UBE2O: variants seen among roughly 807,000 people sequenced by gnomAD.
UBE2O encodes the protein (E3-independent) E2 ubiquitin-conjugating enzyme.
In UBE2O, 15 loss-of-function variants were observed where a neutral mutation model predicts 125.8. The observed-to-expected ratio is 0.12, with a 90% CI of 0.08 to 0.18. The LOEUF is 0.18. UBE2O is among the 10% of genes least tolerant of loss of function. The pLI, the probability that UBE2O is intolerant of heterozygous loss-of-function variation, is 1.00. For missense variants in UBE2O, 1,280 were observed against 1,723.6 expected (o/e 0.74, Z 4.56); for synonymous variants, 708 against 703.2 (o/e 1.01, Z -0.11).
rs2072390275 is a variant in UBE2O at position 76,404,937 on chromosome 17, T to G, written c.588+269A>C. On this transcript the variant is annotated intron_variant, in intron 3 of 17. Transcript: ENST00000319380. This position sits in a 1 kb window ranked among gnomAD's most constrained non-coding sequence, Gnocchi z 4.3. Reference sequence around the variant, plus strand: ...AATAATTTATTTTTTTAAAGAAATGTTAGAGGAGAAAGGAAAAACACTTAA... The same window carrying G: ...AATAATTTATTTTTTTAAAGAAATGGTAGAGGAGAAAGGAAAAACACTTAA... 6.6e-6 allele frequency among the ~76,000 whole-genome samples: 1 copy of G among 151,472 alleles called. No individual in the cohort carries two copies. Among genetic ancestry groups the G allele is most frequent in the South Asian group, 2.1e-4 (1 of 4,756 alleles).
At chr17:76,413,577 G>A (rs1386239245) in intron 1 of UBE2O, among the ~76,000 whole-genome samples, 2 of 152,112 alleles carry the variant, frequency 1.3e-5, no homozygotes, top group Admixed American at 6.6e-5. Flanking sequence ...TATGTGTCCC[G>A]GGTCATGATA....
chr17:76,401,959 T>G (rs1159891417), intron 5 of UBE2O, 105 bp downstream of exon 5: 2 of 1,214,552 alleles, frequency 1.6e-6, no homozygotes, highest in Non-Finnish European at 2.3e-6. Context: ...GCCCCTTTTC[T>G]AGGAAACCGC....
chr17:76,445,165 C>CT (rs1215752354), intron 1 of UBE2O, among the ~76,000 whole-genome samples: 1 of 152,096 alleles, frequency 6.6e-6, no homozygotes, highest in Non-Finnish European at 1.5e-5. Context: ...CAGGAAATCT[C>CT]TCTGTCAGTG....
In UBE2O at chr17:76,398,138, T is replaced by G; in HGVS notation, c.2025+117A>C. 1 of 1,426,160 alleles carries G rather than the reference T, an allele frequency of 7.0e-7. No homozygotes were observed. The highest frequency in any genetic ancestry group is 9.7e-7 in the Non-Finnish European group (1 of 1,030,878). The allele number at this position is 1,426,160 out of a possible 1,614,324, so 88.3% of individuals were successfully genotyped here. ...GGGGCAGCTGCCCTTCTGAGGACAC[T>G]GAGCCCAGAGGACTTTCAGGTCTTG... On this transcript the variant is annotated intron_variant, in intron 12 of 17. Transcript: ENST00000319380. The surrounding 1 kb of genome is among the most constrained non-coding windows in gnomAD (Gnocchi z 5.4).
intron 1 of UBE2O, among the ~76,000 whole-genome samples, chr17:76,424,201 C>A (rs1202809716): frequency 7.2e-6 from 1 of 138,192 alleles, no homozygotes; most frequent in African/African-American, 2.6e-5. Context: ...AGCCACCGCG[C>A]CCGGCCTTTT....
intron 1 of UBE2O, among the ~76,000 whole-genome samples, chr17:76,449,907 CA>C (rs2073209261): frequency 6.6e-6 from 1 of 151,972 alleles, no homozygotes; most frequent in African/African-American, 2.4e-5. Flanking sequence ...GCAACAAGAG[CA>C]AAACTCCGTC....
chr17:76,408,887 CG>C (rs766416215), intron 1 of UBE2O, among the ~76,000 whole-genome samples: 14 of 151,980 alleles, frequency 9.2e-5, no homozygotes, highest in Non-Finnish European at 1.8e-4. Context: ...GATCTGGGGT[CG>C]GGGGTGAAGA....
In UBE2O at chr17:76,400,415, G is replaced by T; in HGVS notation, c.1004+26C>A. ...AGCCCTGTCCCACGCGTGCCCCTGG[G>T]TTGCTGGCAGTAAGGGCATGCTTAC... On this transcript the variant is annotated intron_variant, in intron 7 of 17. Transcript: ENST00000319380. This position sits in a 1 kb window ranked among gnomAD's most constrained non-coding sequence, Gnocchi z 4.3. 6.2e-7 allele frequency: 1 copy of T among 1,602,856 alleles called. No homozygotes were observed. The highest frequency in any genetic ancestry group is 8.5e-7 in the Non-Finnish European group (1 of 1,173,082).
chr17:76,428,060 T>C (rs926182229), intron 1 of UBE2O, among the ~76,000 whole-genome samples: 1 of 152,212 alleles, frequency 6.6e-6, no homozygotes, highest in Non-Finnish European at 1.5e-5. Context: ...ATAGCTTATA[T>C]AGCATTTTAA....
intron 1 of UBE2O, among the ~76,000 whole-genome samples, chr17:76,412,932 C>T (rs201273063): frequency 2.0e-5 from 3 of 152,074 alleles, no homozygotes; most frequent in African/African-American, 4.8e-5. Flanking sequence ...CGTTTGAACC[C>T]GGGAGGCGGA....
At chr17:76,446,069 T>G (rs2073145419) in intron 1 of UBE2O, among the ~76,000 whole-genome samples, 1 of 152,256 alleles carries the variant, frequency 6.6e-6, no homozygotes, top group African/African-American at 2.4e-5. Flanking sequence ...TAGACGTTCC[T>G]GATTGTAACT....
At position 76,397,840 on chromosome 17, in the gene UBE2O, C is replaced by T. The variant is rs374950260; in HGVS notation, c.2074G>A (p.Val692Met). Residue 692 changes from valine to methionine, a missense_variant, in exon 13 of 18, where the codon GTG (valine) becomes ATG (methionine). Val to Met is a conservative substitution (Grantham distance 21, BLOSUM62 1). Around this residue, in one of 10 missense-constraint regions of UBE2O, gnomAD observed 210 missense variants for 268.9 expected, o/e 0.78. Coordinates refer to ENST00000319380, the MANE Select transcript of UBE2O (RefSeq NM_022066.4). ...GTCTTTGAGTTGTCAGCCCACACCACCTCCACCTTGCTGCTGACGTCCACA... is the reference window on the plus strand; with the variant it reads ...GTCTTTGAGTTGTCAGCCCACACCATCTCCACCTTGCTGCTGACGTCCACA... ...ARVDVSSKVE[V>M]VWADNSKTII... The T allele has an allele frequency of 1.9e-6, 3 of 1,614,096 alleles. No individual in the cohort carries two copies. The highest frequency in any genetic ancestry group is 2.5e-6 in the Non-Finnish European group (3 of 1,180,060).
In UBE2O at chr17:76,450,273, C is replaced by T. The variant is rs535009898; in HGVS notation, c.417+2452G>A. ...CCACAGTTCTGCAAGGTCCCAGGACCCACCCTACCACCCTGCTTGGTGGTC... is the reference window on the plus strand; with the variant it reads ...CCACAGTTCTGCAAGGTCCCAGGACTCACCCTACCACCCTGCTTGGTGGTC... On this transcript the variant is annotated intron_variant, in intron 1 of 17. Coordinates refer to ENST00000319380, the MANE Select transcript of UBE2O (RefSeq NM_022066.4). 2.6e-5 allele frequency among the ~76,000 whole-genome samples: 4 copies of T among 152,106 alleles called. No individual in the cohort carries two copies. The East Asian group carries it at 5.8e-4, about 22-fold the overall frequency.
chr17:76,419,895 G>A (rs763675176), intron 1 of UBE2O, among the ~76,000 whole-genome samples: 41 of 152,220 alleles, frequency 2.7e-4, no homozygotes, highest in Admixed American at 9.2e-4. Flanking sequence ...GAAGCATGCC[G>A]GCAGAAGGAG....
rs1197213463 is a variant in UBE2O, at chr17:76,395,881, A to C, written c.2810-20T>G. Reference sequence around the variant, plus strand: ...GATTTGCTAGAGGGGGGAAGAGAATAGTCAGTCCCTCATGGAGAGGCCCTG... The same window carrying C: ...GATTTGCTAGAGGGGGGAAGAGAATCGTCAGTCCCTCATGGAGAGGCCCTG... On this transcript the variant is annotated intron_variant, in intron 14 of 17. Transcript: ENST00000319380. The surrounding 1 kb of genome is among the most constrained non-coding windows in gnomAD (Gnocchi z 5.0). 6.8e-6 allele frequency: 11 copies of C among 1,613,956 alleles called. No individual in the cohort carries two copies. Among genetic ancestry groups the C allele is most frequent in the Non-Finnish European group, 9.3e-6 (11 of 1,180,024 alleles).
At chr17:76,416,238 A>G (rs768585865) in intron 1 of UBE2O, among the ~76,000 whole-genome samples, 3 of 151,812 alleles carry the variant, frequency 2.0e-5, no homozygotes, top group Admixed American at 6.6e-5. Context: ...ATGTGTATAT[A>G]TGTGTGTATA....
chr17:76,417,350 T>A (rs2072633089), intron 1 of UBE2O, among the ~76,000 whole-genome samples: 1 of 152,248 alleles, frequency 6.6e-6, no homozygotes, highest in Non-Finnish European at 1.5e-5. Context: ...GACGAGGACC[T>A]CTTCCCTGGA....
At chr17:76,445,128 G>A (rs759821609) in intron 1 of UBE2O, among the ~76,000 whole-genome samples, 2 of 152,198 alleles carry the variant, frequency 1.3e-5, no homozygotes, top group Non-Finnish European at 2.9e-5. Flanking sequence ...GGATGCAAAT[G>A]AAGGCCTCTC....
Position 76,402,450 on chromosome 17 carries a change from G to A in UBE2O, c.686+152C>T, listed in dbSNP as rs2072344661. 4.1e-6 allele frequency: 3 copies of A among 730,844 alleles called. No individual in the cohort carries two copies. Among genetic ancestry groups the A allele is most frequent in the Non-Finnish European group, 4.8e-6 (2 of 412,860 alleles). The allele number at this position is 730,844 out of a possible 1,614,324, so 45.3% of individuals were successfully genotyped here. Reference sequence around the variant, plus strand: ...TAGGCCACGGCAGATAAGGAGAACGGTACAGGGTTAGGCCCTGGATGCCTG... The same window carrying A: ...TAGGCCACGGCAGATAAGGAGAACGATACAGGGTTAGGCCCTGGATGCCTG... On this transcript the variant is annotated intron_variant, in intron 4 of 17. Transcript: ENST00000319380. The surrounding 1 kb of genome is among the most constrained non-coding windows in gnomAD (Gnocchi z 5.4).
Sources: allele counts gnomAD v4.1 joint callset (sites outside exome capture counted in the v4.1 genomes callset), GRCh38; gene constraint gnomAD v4.1.1; regional missense constraint gnomAD v4.1.1; non-coding constraint Gnocchi (gnomAD v3.1); transcripts MANE v1.5; gene names NCBI Gene and HGNC (gene_info 2026-07-23, HGNC 2026-07-21).